The following CLTCL1 variants were observed in gnomAD, a reference collection of about 807,000 sequenced individuals.
CLTCL1 encodes the protein clathrin heavy chain like 1, also known as clathrin heavy chain 2.
Under a neutral mutation model 190.0 loss-of-function variants are expected in CLTCL1, and 159 were observed. The observed-to-expected ratio is 0.84, with a 90% CI of 0.74 to 0.95. The LOEUF is 0.95. Ranked by LOEUF, CLTCL1 falls within the 40% of genes least tolerant of loss-of-function variation. CLTCL1 has a pLI of 0.00. For missense variants in CLTCL1, 1,878 were observed against 2,033.4 expected (o/e 0.92, Z 1.47); for synonymous variants, 752 against 769.6 (o/e 0.98, Z 0.38).
rs565939348 is a variant in CLTCL1 at position 19,271,448 on chromosome 22, T to TA, written c.250+4174dup. ...TTAGCCCTGCTCTGCAAGGAGCAGT[T>TA]AAAAAAAAGTGTGTGTGTATGGCAC... On this transcript the variant is annotated intron_variant, in intron 2 of 32. Coordinates refer to ENST00000427926, the MANE Select transcript of CLTCL1 (RefSeq NM_007098.4). Among the ~76,000 whole-genome samples, 489 of 152,004 alleles carry TA rather than the reference T, an allele frequency of 3.2e-3. 2 individuals are homozygous for TA. Among genetic ancestry groups the TA allele is most frequent in the African/African-American group, 0.011 (473 of 41,450 alleles).
At chr22:19,196,451 G>C in intron 25 of CLTCL1, 36 bp from the exon 26 acceptor site, 1 of 1,613,802 alleles carries the variant, frequency 6.2e-7, no homozygotes, top group Non-Finnish European at 8.5e-7. Flanking sequence ...TGTGCTGCAC[G>C]TGGCCACGGC....
chr22:19,276,710 C>T (rs2087516994), intron 1 of CLTCL1, among the ~76,000 whole-genome samples: 1 of 152,180 alleles, frequency 6.6e-6, no homozygotes, highest in African/African-American at 2.4e-5. Context: ...CGCTCTGTTG[C>T]CCAGGCTGGA....
rs370255265 is a variant in CLTCL1, at chr22:19,214,805, C to T, written c.3065+1306G>A. 4.6e-5 allele frequency among the ~76,000 whole-genome samples: 7 copies of T among 152,078 alleles called. No homozygotes were observed. In the East Asian group the frequency reaches 7.7e-4, roughly 17 times the overall value. On this transcript the variant is annotated intron_variant, in intron 19 of 32. Coordinates refer to ENST00000427926, the MANE Select transcript of CLTCL1 (RefSeq NM_007098.4). ...AAGCGATTCTCCCGCCTCAGCCTCCCGAGTAGCTGGGATTACAGGCACCTG... is the reference window on the plus strand; with the variant it reads ...AAGCGATTCTCCCGCCTCAGCCTCCTGAGTAGCTGGGATTACAGGCACCTG...
At chr22:19,215,164 C>T (rs1380394722) in intron 19 of CLTCL1, among the ~76,000 whole-genome samples, 1 of 152,216 alleles carries the variant, frequency 6.6e-6, no homozygotes, top group Non-Finnish European at 1.5e-5. Context: ...GTAGCCACCT[C>T]AGGCACCTTA....
intron 4 of CLTCL1, among the ~76,000 whole-genome samples, chr22:19,239,691 G>A (rs1555964272): frequency 6.6e-6 from 1 of 152,224 alleles, no homozygotes; most frequent in East Asian, 1.9e-4. Flanking sequence ...AAGGGCTCCA[G>A]TCAGAATCTG....
At chr22:19,234,193 T>A (rs2086005198) in intron 7 of CLTCL1, among the ~76,000 whole-genome samples, 1 of 152,182 alleles carries the variant, frequency 6.6e-6, no homozygotes, top group Non-Finnish European at 1.5e-5. Flanking sequence ...TATTGTACAG[T>A]TGCATATTTG....
intron 2 of CLTCL1, among the ~76,000 whole-genome samples, chr22:19,269,776 G>A (rs1161252317): frequency 6.6e-6 from 1 of 152,100 alleles, no homozygotes; most frequent in African/African-American, 2.4e-5. Flanking sequence ...CACCAGGCCT[G>A]TCAGGGGAGT....
chr22:19,260,752 C>T lies in CLTCL1; in HGVS notation c.251-6525G>A, dbSNP rs111681106. 9.6e-3 allele frequency among the ~76,000 whole-genome samples: 1,308 copies of T among 136,848 alleles called. 25 individuals are homozygous for T. Among genetic ancestry groups the T allele is most frequent in the African/African-American group, 0.034 (1,240 of 36,210 alleles). 89.8% of individuals were successfully genotyped at this position (136,848 alleles called of 152,430 possible). A position where few individuals can be genotyped will look rare whatever the true frequency, so the allele number is the denominator to read the frequency against. ...CAATATCGTGCCACTGCACTCCAGCCTGGGCAACAAGAGTGAAACTCTGTC... is the reference window on the plus strand; with the variant it reads ...CAATATCGTGCCACTGCACTCCAGCTTGGGCAACAAGAGTGAAACTCTGTC... On this transcript the variant is annotated intron_variant, in intron 2 of 32. Coordinates refer to ENST00000427926, the MANE Select transcript of CLTCL1 (RefSeq NM_007098.4).
chr22:19,291,542 A>G (rs2088124771), intron 1 of CLTCL1, 58 bp downstream of exon 1: 7 of 1,301,216 alleles, frequency 5.4e-6, no homozygotes, highest in Non-Finnish European at 6.9e-6. Context: ...CAAGCCTGGC[A>G]GTCCGGCCCG....
At position 19,245,902 on chromosome 22, in the gene CLTCL1, ATTT is replaced by A. The variant is rs1555967736; in HGVS notation, c.520-2969_520-2967del. Among the ~76,000 whole-genome samples, 3 of 152,252 alleles carry A rather than the reference ATTT, an allele frequency of 2.0e-5. No individual in the cohort carries two copies. The East Asian group carries it at 5.8e-4, about 29-fold the overall frequency. On this transcript the variant is annotated intron_variant, in intron 3 of 32. Transcript: ENST00000427926. ...TACACCACAACTTGTTTATCCACTCATTTGCTGGTGAACATTTGGGCTGTTTCT... is the reference window on the plus strand; with the variant it reads ...TACACCACAACTTGTTTATCCACTCAGCTGGTGAACATTTGGGCTGTTTCT...
chr22:19,272,012 C>T (rs180854652), intron 2 of CLTCL1, among the ~76,000 whole-genome samples: 121 of 152,188 alleles, frequency 8.0e-4, no homozygotes, highest in African/African-American at 2.7e-3. Context: ...CAGAGGCTGA[C>T]GCAGGAGGAT....
chr22:19,196,510 C>T lies in CLTCL1; in HGVS notation c.4020G>A (p.Trp1340Ter). ...QKMLEHLELF[W>*]SRVNIPKVLR... ...GTACCTTTGGGATGTTGACACGGGA[C>T]CAGAAAAGCTCCAGATGCTCCAGCA... is the stretch of plus-strand genomic sequence containing the variant. The change falls in exon 25 of 33, where the codon TGG becomes TGA. Residue 1340 changes from tryptophan (W) to a stop codon, truncating the protein, a stop_gained. Transcript: ENST00000427926. LOFTEE classifies it high-confidence loss of function. The T allele has an allele frequency of 1.2e-6, 2 of 1,614,062 alleles. No homozygotes were observed. The highest frequency in any genetic ancestry group is 1.7e-6 in the Non-Finnish European group (2 of 1,179,908).
At chr22:19,200,437 A>C (rs2084846195) in intron 23 of CLTCL1, among the ~76,000 whole-genome samples, 1 of 152,344 alleles carries the variant, frequency 6.6e-6, no homozygotes. Flanking sequence ...GTGGAATTAC[A>C]TCATACATTC....
At chr22:19,207,056 AC>A (rs2085073224) in intron 22 of CLTCL1, among the ~76,000 whole-genome samples, 1 of 117,796 alleles carries the variant, frequency 8.5e-6, no homozygotes, top group Non-Finnish European at 1.6e-5. Context: ...TCGCTCTGTC[AC>A]CCAGGCTGGA....
At chr22:19,235,323 T>C (rs1555961421) in intron 6 of CLTCL1, among the ~76,000 whole-genome samples, 1 of 152,210 alleles carries the variant, frequency 6.6e-6, no homozygotes, top group African/African-American at 2.4e-5. Flanking sequence ...GCATAAACTA[T>C]TGTGCCCAGC....
intron 2 of CLTCL1, chr22:19,258,902 G>T: frequency 2.3e-6 from 1 of 427,114 alleles, no homozygotes; most frequent in East Asian, 4.4e-5. Context: ...AAAATGTTTA[G>T]AGAAAACATA....
At chr22:19,184,339 A>G in intron 29 of CLTCL1, 1 of 397,474 alleles carries the variant, frequency 2.5e-6, no homozygotes, top group South Asian at 1.8e-5. Flanking sequence ...TGTGCTCTCC[A>G]GGGATACCCT....
At position 19,249,163 on chromosome 22, in the gene CLTCL1, A is replaced by C. The variant is rs1432014680; in HGVS notation, c.519+4796T>G. Among the ~76,000 whole-genome samples, 5 of 152,162 alleles carry C rather than the reference A, an allele frequency of 3.3e-5. No homozygotes were observed. The East Asian group carries it at 9.7e-4, about 29-fold the overall frequency. ...TACTTGAGGTCAGGAGTTTGAGACC[A>C]TCCTGGCTAACATGGTGAAACCCCA... is the stretch of plus-strand genomic sequence containing the variant. On this transcript the variant is annotated intron_variant, in intron 3 of 32. Transcript: ENST00000427926.
At chr22:19,247,150 T>C (rs1404910392) in intron 3 of CLTCL1, among the ~76,000 whole-genome samples, 1 of 152,182 alleles carries the variant, frequency 6.6e-6, no homozygotes, top group East Asian at 1.9e-4. Context: ...AGGTTTCAGA[T>C]CTATTTTGAG....
Sources: allele counts gnomAD v4.1 joint callset (sites outside exome capture counted in the v4.1 genomes callset), GRCh38; gene constraint gnomAD v4.1.1; transcripts MANE v1.5; gene names NCBI Gene and HGNC (gene_info 2026-07-23, HGNC 2026-07-21).